Variants in DRC5 observed in about 807,000 individuals in gnomAD.
The protein encoded by DRC5 is T-complex-associated testis-expressed protein 1.
the DRC5 span, among the ~76,000 whole-genome samples, chr6:44,284,808 C>G: frequency 4.6e-5 from 7 of 152,250 alleles, no homozygotes; most frequent in African/African-American, 1.4e-4. Flanking sequence ...AAATGACCCT[C>G]ACCCTCACCT....
At chr6:44,280,024 C>T in the DRC5 span, 2 of 672,654 alleles carry the variant, frequency 3.0e-6, no homozygotes, top group Non-Finnish European at 5.0e-6. Flanking sequence ...GCTCCCTTCC[C>T]TGCCTCATGT....
chr6:44,289,029 CAG>C, the DRC5 span, among the ~76,000 whole-genome samples: 1 of 54,010 alleles, frequency 1.9e-5, no homozygotes, highest in African/African-American at 6.5e-5. Context: ...AAAAGAAAAA[CAG>C]GTGAAATTAG....
chr6:44,292,297 G>C, the DRC5 span, among the ~76,000 whole-genome samples: 3 of 152,136 alleles, frequency 2.0e-5, no homozygotes, highest in African/African-American at 7.2e-5. Context: ...CACCACCTCA[G>C]CCAGGGAAAG....
chr6:44,293,102 T>A, the DRC5 span, among the ~76,000 whole-genome samples: 1 of 152,062 alleles, frequency 6.6e-6, no homozygotes, highest in Non-Finnish European at 1.5e-5. Context: ...AAGAGTTCAA[T>A]GGGATAGCTG....
At chr6:44,282,570 G>A in the DRC5 span, 1 of 1,573,384 alleles carries the variant, frequency 6.4e-7, no homozygotes, top group South Asian at 1.2e-5. Context: ...CTGTGGGCAG[G>A]CAGAGGGTCT....
chr6:44,284,645 A>G, the DRC5 span, among the ~76,000 whole-genome samples: 1 of 152,114 alleles, frequency 6.6e-6, no homozygotes, highest in Non-Finnish European at 1.5e-5. Flanking sequence ...CAGCCTCACA[A>G]GCCAGAGGTC....
the DRC5 span, among the ~76,000 whole-genome samples, chr6:44,289,022 A>AAAAAAAAG: frequency 7.3e-6 from 1 of 136,480 alleles, no homozygotes; most frequent in Non-Finnish European, 1.6e-5. Context: ...AAAAAAAAAA[A>AAAAAAAAG]GAAAAACAGG....
the DRC5 span, chr6:44,282,198 G>A: frequency 1.2e-6 from 2 of 1,614,232 alleles, no homozygotes; most frequent in African/African-American, 1.3e-5. Flanking sequence ...GGTGGGCTCA[G>A]ACAGCTCATT....
the DRC5 span, among the ~76,000 whole-genome samples, chr6:44,280,777 T>G: frequency 6.6e-6 from 1 of 152,184 alleles, no homozygotes; most frequent in Admixed American, 6.5e-5. Flanking sequence ...GGTTTCTGCC[T>G]CTGGGCATGT....
At chr6:44,287,855 G>A in the DRC5 span, 1 of 1,601,742 alleles carries the variant, frequency 6.2e-7, no homozygotes, top group African/African-American at 1.3e-5. Context: ...GGGGTGCGTG[G>A]CCCCTGGATG....
At chr6:44,285,304 T>A in the DRC5 span, among the ~76,000 whole-genome samples, 8 of 152,244 alleles carry the variant, frequency 5.3e-5, no homozygotes, top group African/African-American at 1.4e-4. Flanking sequence ...AAGTACAGGA[T>A]GCCCAGTTAA....
At chr6:44,285,310 G>A in the DRC5 span, among the ~76,000 whole-genome samples, 2 of 152,176 alleles carry the variant, frequency 1.3e-5, no homozygotes, top group African/African-American at 2.4e-5. Flanking sequence ...AGGATGCCCA[G>A]TTAAAAATAA....
At chr6:44,281,667 G>A in the DRC5 span, among the ~76,000 whole-genome samples, 1 of 152,244 alleles carries the variant, frequency 6.6e-6, no homozygotes, top group Admixed American at 6.5e-5. Context: ...TTACAGGCGT[G>A]AGCCACTGTG....
At chr6:44,289,699 G>A in the DRC5 span, among the ~76,000 whole-genome samples, 1 of 152,252 alleles carries the variant, frequency 6.6e-6, no homozygotes. Flanking sequence ...AAGCGTGGGA[G>A]GCGAGAAGAC....
chr6:44,291,091 G>A, the DRC5 span, among the ~76,000 whole-genome samples: 4 of 152,302 alleles, frequency 2.6e-5, no homozygotes, highest in South Asian at 8.3e-4. Flanking sequence ...GCAGGGCCTC[G>A]CTCCATATCA....
chr6:44,283,356 C>G, the DRC5 span, among the ~76,000 whole-genome samples: 27 of 151,760 alleles, frequency 1.8e-4, no homozygotes, highest in Admixed American at 1.6e-3. Flanking sequence ...GGGCAAGAAC[C>G]AGGGAGACAG....
chr6:44,284,035 T>A, the DRC5 span, among the ~76,000 whole-genome samples: 1 of 152,314 alleles, frequency 6.6e-6, no homozygotes, highest in African/African-American at 2.4e-5. Context: ...ATATGTGAGT[T>A]ATTCTGAAGG....
chr6:44,289,396 A>G, the DRC5 span, among the ~76,000 whole-genome samples: 1 of 152,194 alleles, frequency 6.6e-6, no homozygotes, highest in African/African-American at 2.4e-5. Context: ...CATATAATCA[A>G]TATAAAATTA....
At chr6:44,296,837 A>G in the DRC5 span, among the ~76,000 whole-genome samples, 1 of 152,144 alleles carries the variant, frequency 6.6e-6, no homozygotes, top group Admixed American at 6.5e-5. Flanking sequence ...AGCCACCTCC[A>G]TATCCTTCAT....
Sources: allele counts gnomAD v4.1 joint callset (sites outside exome capture counted in the v4.1 genomes callset), GRCh38; gene constraint gnomAD v4.1.1; transcripts MANE v1.5; gene names NCBI Gene and HGNC (gene_info 2026-07-23, HGNC 2026-07-21).